The following RSRC1 variants were observed in gnomAD, a reference collection of about 807,000 sequenced individuals.
RSRC1 encodes the protein serine/Arginine-related protein 53.
RSRC1 carries 39 observed loss-of-function variants against 49.1 expected under a neutral mutation model. That is an observed-to-expected ratio of 0.79 (90% CI 0.61 to 1.04). The LOEUF is 1.04. RSRC1 is among the 50% of genes least tolerant of loss of function. The pLI is 0.00. For synonymous variants in RSRC1, 143 were observed against 130.8 expected (o/e 1.09, Z -0.63); for missense variants, 388 against 402.4 (o/e 0.96, Z 0.31).
At chr3:158,408,723 C>T (rs1214615028) in intron 6 of RSRC1, among the ~76,000 whole-genome samples, 1 of 152,100 alleles carries the variant, frequency 6.6e-6, no homozygotes, top group East Asian at 1.9e-4. Context: ...CCAAATACCA[C>T]ATGTTTTCAC....
chr3:158,545,073 G>C lies in RSRC1; in HGVS notation c.*798G>C, dbSNP rs759869215. 1.1e-4 allele frequency: 17 copies of C among 151,900 alleles called. No individual in the cohort carries two copies. The highest frequency in any genetic ancestry group is 1.8e-4 in the Non-Finnish European group (12 of 68,000). The allele number at this position is 151,900 out of a possible 1,614,324, so 9.4% of individuals were successfully genotyped here. On this transcript the variant is annotated 3_prime_UTR_variant, in exon 10 of 10. Transcript: ENST00000611884. ...TGCCATTGTAGAATACCTTTCTCTA[G>C]TAGCTGAATGACAATCAACTATACG...
At chr3:158,283,355 A>G (rs573173436) in intron 4 of RSRC1, among the ~76,000 whole-genome samples, 1 of 152,236 alleles carries the variant, frequency 6.6e-6, no homozygotes, top group African/African-American at 2.4e-5. Context: ...TAGAAAACAT[A>G]TAAACAATTA....
intron 7 of RSRC1, among the ~76,000 whole-genome samples, chr3:158,518,148 A>ATATATTTTTTTTTTTTT (rs1310027981): frequency 1.4e-4 from 6 of 44,138 alleles, no homozygotes; most frequent in African/African-American, 9.2e-4. Flanking sequence ...ATATATATAT[A>ATATATTTTTTTTTTTTT]TTTTTTTTTT....
At position 158,539,318 on chromosome 3, in the gene RSRC1, G is replaced by A. The variant is rs1379728557; in HGVS notation, c.759+2120G>A. Among the ~76,000 whole-genome samples the A allele has an allele frequency of 6.6e-6, 1 of 152,056 alleles. No homozygotes were observed. Among genetic ancestry groups the A allele is most frequent in the Non-Finnish European group, 1.5e-5 (1 of 67,958 alleles). ...TTTACCAGAAAAGTGGCTATTACCA[G>A]TGACATGCTAGACATTGTGTCTCCT... On this transcript the variant is annotated intron_variant, in intron 8 of 9. Transcript: ENST00000611884. The surrounding 1 kb of genome is among the most constrained non-coding windows in gnomAD (Gnocchi z 4.1).
rs932743567 is a variant in RSRC1, at chr3:158,545,492, A to C, written c.*1217A>C. The C allele has an allele frequency of 1.3e-5, 2 of 152,170 alleles. No homozygotes were observed. Among genetic ancestry groups the C allele is most frequent in the Non-Finnish European group, 2.9e-5 (2 of 68,038 alleles). 9.4% of individuals were successfully genotyped at this position (152,170 alleles called of 1,614,324 possible). A position where few individuals can be genotyped will look rare whatever the true frequency, so the allele number is the denominator to read the frequency against. ...GTAGCTCAGAACAAAAGATAAGCAAAAAAAGTCTTCAGGGTAGGACTGCCA... is the reference window on the plus strand; with the variant it reads ...GTAGCTCAGAACAAAAGATAAGCAACAAAAGTCTTCAGGGTAGGACTGCCA... On this transcript the variant is annotated 3_prime_UTR_variant, in exon 10 of 10. Transcript: ENST00000611884.
intron 7 of RSRC1, among the ~76,000 whole-genome samples, chr3:158,488,314 G>A (rs1243451481): frequency 6.6e-6 from 1 of 152,050 alleles, no homozygotes; most frequent in African/African-American, 2.4e-5. Flanking sequence ...TTAATTGACA[G>A]CTTTGTTTTT....
intron 3 of RSRC1, among the ~76,000 whole-genome samples, chr3:158,174,182 G>A (rs993021495): frequency 1.5e-4 from 22 of 151,724 alleles, no homozygotes; most frequent in Non-Finnish European, 2.5e-4. Context: ...GTAGCCACTC[G>A]AAGCCCTGCC....
At chr3:158,411,968 T>C (rs930917538) in intron 6 of RSRC1, among the ~76,000 whole-genome samples, 7 of 152,120 alleles carry the variant, frequency 4.6e-5, no homozygotes, top group South Asian at 2.1e-4. Context: ...ATTTAAGATA[T>C]AGAAAATTAT....
At position 158,150,575 on chromosome 3, in the gene RSRC1, ATAT is replaced by A. The variant is rs1717460573; in HGVS notation, c.320+26588_320+26590del. 1.1e-4 allele frequency among the ~76,000 whole-genome samples: 17 copies of A among 152,124 alleles called. 1 individual carries two copies. Among genetic ancestry groups the A allele is most frequent in the Admixed American group, 1.1e-3 (17 of 15,258 alleles). On this transcript the variant is annotated intron_variant, in intron 3 of 9. Transcript: ENST00000611884. ...CACAATATTTATTGAGCTTATATTAATATTATGTGTTAGGGACAGTAGTAGGTC... is the reference window on the plus strand; with the variant it reads ...CACAATATTTATTGAGCTTATATTAATATGTGTTAGGGACAGTAGTAGGTC...
chr3:158,235,448 G>A (rs1464743710), intron 4 of RSRC1, among the ~76,000 whole-genome samples: 1 of 151,904 alleles, frequency 6.6e-6, no homozygotes, highest in Non-Finnish European at 1.5e-5. Context: ...TGTGTTACTA[G>A]GAAAGAAAAA....
intron 3 of RSRC1, among the ~76,000 whole-genome samples, chr3:158,145,133 T>A (rs1377840330): frequency 6.6e-6 from 1 of 152,208 alleles, no homozygotes; most frequent in Non-Finnish European, 1.5e-5. Flanking sequence ...CTCTTGAGTT[T>A]AATTAGATCC....
intron 4 of RSRC1, among the ~76,000 whole-genome samples, chr3:158,226,350 G>A (rs921730858): frequency 1.1e-4 from 16 of 151,926 alleles, no homozygotes; most frequent in African/African-American, 3.9e-4. Context: ...GCTGGCAGAA[G>A]GGAAACATCA....
chr3:158,460,836 G>C (rs547637918), intron 6 of RSRC1, 99 bp from the exon 7 acceptor site: 3 of 605,048 alleles, frequency 5.0e-6, no homozygotes, highest in Non-Finnish European at 5.4e-6. Flanking sequence ...TGATTACTTC[G>C]TGGAAAATAA....
At chr3:158,351,889 TTA>T (rs1489982313) in intron 5 of RSRC1, among the ~76,000 whole-genome samples, 3 of 142,116 alleles carry the variant, frequency 2.1e-5, no homozygotes, top group Non-Finnish European at 4.5e-5. Flanking sequence ...TATATAACTA[TTA>T]TATAATATAT....
chr3:158,386,826 CAAAA>C (rs56825777), intron 6 of RSRC1, among the ~76,000 whole-genome samples: 2 of 123,426 alleles, frequency 1.6e-5, no homozygotes, highest in Admixed American at 8.3e-5. Context: ...TTCACTAGAC[CAAAA>C]AAAAAAAAAA....
At chr3:158,152,621 T>C (rs1461628323) in intron 3 of RSRC1, among the ~76,000 whole-genome samples, 3 of 152,206 alleles carry the variant, frequency 2.0e-5, no homozygotes, top group Non-Finnish European at 2.9e-5. Flanking sequence ...AGGAGTTAAT[T>C]TGGTATATAA....
At chr3:158,516,963 G>A (rs532212888) in intron 7 of RSRC1, among the ~76,000 whole-genome samples, 5 of 152,292 alleles carry the variant, frequency 3.3e-5, no homozygotes, top group East Asian at 1.9e-4. Flanking sequence ...GCTCGTGCAC[G>A]GTGCACGCAC....
chr3:158,174,358 C>T (rs1461542960), intron 3 of RSRC1, among the ~76,000 whole-genome samples: 1 of 151,760 alleles, frequency 6.6e-6, no homozygotes, highest in Non-Finnish European at 1.5e-5. Flanking sequence ...TTATTTAAAA[C>T]TTTTTATTCA....
At chr3:158,325,909 C>T (rs1035786269) in intron 5 of RSRC1, among the ~76,000 whole-genome samples, 1 of 152,126 alleles carries the variant, frequency 6.6e-6, no homozygotes, top group African/African-American at 2.4e-5. Flanking sequence ...TTTCCTTGAG[C>T]AGTGGATTGT....
Sources: allele counts gnomAD v4.1 joint callset (sites outside exome capture counted in the v4.1 genomes callset), GRCh38; gene constraint gnomAD v4.1.1; non-coding constraint Gnocchi (gnomAD v3.1); transcripts MANE v1.5; gene names NCBI Gene and HGNC (gene_info 2026-07-23, HGNC 2026-07-21).